Variants in CFAP54 observed in about 807,000 individuals in gnomAD.
CFAP54 encodes the protein cilia- and flagella-associated protein 54.
CFAP54 carries 290 observed loss-of-function variants against 370.4 expected under a neutral mutation model. The ratio of observed to expected loss-of-function variants is 0.78; its 90% CI spans 0.71 to 0.86. The LOEUF is 0.86. Ranked by LOEUF, CFAP54 falls within the 40% of genes least tolerant of loss-of-function variation. The pLI, the probability that CFAP54 is intolerant of heterozygous loss-of-function variation, is 0.00. For synonymous variants in CFAP54, 1,206 were observed against 1,236.5 expected, an observed-to-expected ratio of 0.98 and a Z score of 0.52; for missense variants, 3,399 against 3,528.7, an observed-to-expected ratio of 0.96 and a Z score of 0.93.
chr12:96,688,835 G>A, intron 42 of CFAP54, 81 bp from the exon 43 acceptor site: 1 of 700,614 alleles, frequency 1.4e-6, no homozygotes, highest in East Asian at 3.0e-5. Context: ...TTGTGTTCTA[G>A]ATATATATGT....
At chr12:96,771,378 A>C (rs907730810) in intron 60 of CFAP54, among the ~76,000 whole-genome samples, 1 of 152,172 alleles carries the variant, frequency 6.6e-6, no homozygotes, top group Admixed American at 6.5e-5. Context: ...TAGTCCCGGA[A>C]GCAGTGGCTC....
At chr12:96,705,884 C>T (rs1957541770) in intron 47 of CFAP54, among the ~76,000 whole-genome samples, 1 of 152,124 alleles carries the variant, frequency 6.6e-6, no homozygotes, top group African/African-American at 2.4e-5. Flanking sequence ...AGAGAAAAGA[C>T]AAGAGAAAGC....
In CFAP54 at chr12:96,743,497, C is replaced by G. The variant is rs1958075515; in HGVS notation, c.7315C>G (p.Gln2439Glu). The change falls in exon 53 of 68, where the codon CAA becomes GAA. Residue 2439 changes from glutamine (Q) to glutamate (E), a missense_variant. By Grantham distance (29) the Gln-to-Glu change is conservative. Transcript: ENST00000524981. ...DTELQAEFLT[Q>E]AVILGLQEKH... ...GGAACTGCAGGCTGAATTCTTGACG[C>G]AAGCTGTAATTCTTGGCCTACAAGA... The G allele has an allele frequency of 1.2e-6, 2 of 1,613,940 alleles. No homozygotes were observed. The highest frequency in any genetic ancestry group is 2.7e-5 in the African/African-American group (2 of 74,900).
In CFAP54 at chr12:96,527,242, T is replaced by A; in HGVS notation, c.1159-4T>A. On this transcript the variant is annotated splice_polypyrimidine_tract_variant and splice_region_variant and intron_variant, in intron 8 of 67. Transcript: ENST00000524981. ...GACTGAACTTTTTTTTTTCTCAATT[T>A]CAGTTATCATGGCCACGAACTGTCA... The A allele has an allele frequency of 6.7e-7, 1 of 1,501,182 alleles. No homozygotes were observed. Among genetic ancestry groups the A allele is most frequent in the Admixed American group, 2.3e-5 (1 of 43,296 alleles). 93.0% of individuals were successfully genotyped at this position (1,501,182 alleles called of 1,614,324 possible).
intron 60 of CFAP54, among the ~76,000 whole-genome samples, chr12:96,780,823 C>T (rs1050016348): frequency 3.4e-4 from 51 of 152,080 alleles, no homozygotes; most frequent in African/African-American, 1.2e-3. Flanking sequence ...AGGCTTCTCA[C>T]CAGCAATAGT....
At chr12:96,794,681 T>C (rs1463466034) in intron 63 of CFAP54, among the ~76,000 whole-genome samples, 1 of 152,222 alleles carries the variant, frequency 6.6e-6, no homozygotes, top group Admixed American at 6.5e-5. Flanking sequence ...TGGTATTACC[T>C]TTCTCTGGTG....
chr12:96,723,461 G>A (rs1957783492), intron 50 of CFAP54, among the ~76,000 whole-genome samples: 2 of 152,124 alleles, frequency 1.3e-5, no homozygotes, highest in Non-Finnish European at 2.9e-5. Flanking sequence ...TGGTTGAGGA[G>A]AATGGAGTGA....
intron 50 of CFAP54, among the ~76,000 whole-genome samples, chr12:96,733,741 C>T (rs1737254178): frequency 6.6e-6 from 1 of 152,104 alleles, no homozygotes; most frequent in African/African-American, 2.4e-5. Flanking sequence ...AGAAATTTTC[C>T]ATTCTGCAAC....
intron 26 of CFAP54, among the ~76,000 whole-genome samples, chr12:96,614,938 A>C (rs1209424710): frequency 5.9e-5 from 9 of 152,224 alleles, no homozygotes; most frequent in African/African-American, 1.9e-4. Flanking sequence ...ATACTGCCCA[A>C]GGTAATTTAT....
intron 26 of CFAP54, among the ~76,000 whole-genome samples, chr12:96,603,872 G>T (rs551705716): frequency 6.6e-6 from 1 of 152,182 alleles, no homozygotes; most frequent in Admixed American, 6.5e-5. Flanking sequence ...TTTTTTCAAG[G>T]TTTTTAGCTT....
chr12:96,674,212 G>A (rs1957177854), intron 39 of CFAP54, among the ~76,000 whole-genome samples: 1 of 152,128 alleles, frequency 6.6e-6, no homozygotes, highest in African/African-American at 2.4e-5. Context: ...GGCCTCGAGT[G>A]TAGGAAGCAG....
At chr12:96,839,144 T>A (rs1433734808) in intron 66 of CFAP54, among the ~76,000 whole-genome samples, 1 of 152,182 alleles carries the variant, frequency 6.6e-6, no homozygotes, top group Non-Finnish European at 1.5e-5. Context: ...TGGCTCCAAA[T>A]CCCAGCTCAG....
At chr12:96,762,138 G>A (rs983729968) in intron 58 of CFAP54, among the ~76,000 whole-genome samples, 5 of 152,020 alleles carry the variant, frequency 3.3e-5, no homozygotes, top group African/African-American at 1.2e-4. Context: ...TGTCTTTTTA[G>A]TGTATGAGTC....
At chr12:96,832,282 A>T (rs567295244) in intron 66 of CFAP54, among the ~76,000 whole-genome samples, 4,607 of 129,820 alleles carry the variant, frequency 0.035, 191 homozygotes, top group African/African-American at 0.1. Context: ...AAAAAAAAAA[A>T]ATATATATAT....
intron 2 of CFAP54, among the ~76,000 whole-genome samples, chr12:96,503,685 A>G (rs76391712): frequency 0.011 from 1,663 of 152,200 alleles, 27 homozygotes; most frequent in African/African-American, 0.037. Flanking sequence ...GCTCATTGTG[A>G]GGAGAATTAG....
At chr12:96,622,682 A>G (rs1449250938) in intron 27 of CFAP54, among the ~76,000 whole-genome samples, 1 of 152,156 alleles carries the variant, frequency 6.6e-6, no homozygotes, top group Non-Finnish European at 1.5e-5. Context: ...ACTAGAAATT[A>G]CTTGAAGTCC....
Position 96,675,855 on chromosome 12 carries a change from G to A in CFAP54, c.5564-3745G>A, listed in dbSNP as rs537477159. Among the ~76,000 whole-genome samples the A allele has an allele frequency of 4.7e-3, 705 of 150,422 alleles. 4 individuals carry two copies. The highest frequency in any genetic ancestry group is 0.016 in the African/African-American group (668 of 40,846). ...TCGCAAGGACAAAAAACCAAACACT[G>A]CATATTCTCACTCACAGGTGGGAAT... On this transcript the variant is annotated intron_variant, in intron 39 of 67. Coordinates refer to ENST00000524981, the MANE Select transcript of CFAP54 (RefSeq NM_001306084.2).
chr12:96,560,096 C>A (rs1955799639), intron 17 of CFAP54, among the ~76,000 whole-genome samples: 4 of 152,190 alleles, frequency 2.6e-5, no homozygotes, highest in Admixed American at 6.5e-5. Context: ...GGATATTCAT[C>A]ATCTCAAACA....
intron 32 of CFAP54, among the ~76,000 whole-genome samples, chr12:96,638,923 C>CTT (rs1956693367): frequency 6.6e-6 from 1 of 152,186 alleles, no homozygotes; most frequent in Non-Finnish European, 1.5e-5. Context: ...ATTTGTGTCT[C>CTT]TATTTCCTTC....
Sources: gnomAD v4.1 joint callset for allele counts (sites outside exome capture counted in the v4.1 genomes callset) on GRCh38, gnomAD v4.1.1 for gene constraint, MANE v1.5 for transcripts, NCBI Gene and HGNC (gene_info 2026-07-23, HGNC 2026-07-21) for gene names.